Variants in PKD1L1 observed in about 807,000 individuals in gnomAD.
The protein encoded by PKD1L1 is polycystin-1-like protein 1.
PKD1L1 carries 236 observed loss-of-function variants against 323.4 expected under a neutral mutation model. That is an observed-to-expected ratio of 0.73 (90% CI 0.66 to 0.81). The LOEUF (loss-of-function observed/expected upper bound fraction) is 0.81. Ranked by LOEUF, PKD1L1 falls within the 40% of genes least tolerant of loss-of-function variation. PKD1L1 has a pLI of 0.00. For synonymous variants in PKD1L1, 1,344 were observed against 1,335.0 expected (o/e 1.01, Z -0.15); for missense variants, 3,320 against 3,508.0 (o/e 0.95, Z 1.35).
Position 47,929,467 on chromosome 7 carries a change from C to A in PKD1L1, c.797G>T (p.Gly266Val). The change falls in exon 7 of 57, where the codon GGT becomes GTT. Residue 266 changes from glycine to valine, a missense_variant. Gly to Val is a moderately radical substitution (Grantham distance 109, BLOSUM62 -3). Transcript: ENST00000289672. ...AGTAGGGGGATAGAGGATCTCAGAACCAGACTGCGATGCCGTGAAGCTGGG... is the reference window on the plus strand; with the variant it reads ...AGTAGGGGGATAGAGGATCTCAGAAACAGACTGCGATGCCGTGAAGCTGGG... ...RTPSFTASQS[G>V]SEILYPPTQH... 6.2e-7 allele frequency: 1 copy of A among 1,614,106 alleles called. No homozygotes were observed. Among genetic ancestry groups the A allele is most frequent in the Non-Finnish European group, 8.5e-7 (1 of 1,179,982 alleles).
At chr7:47,846,605 A>T (rs1248585401) in intron 32 of PKD1L1, among the ~76,000 whole-genome samples, 1 of 151,990 alleles carries the variant, frequency 6.6e-6, no homozygotes, top group Non-Finnish European at 1.5e-5. Context: ...CTTACTAAAC[A>T]CCTCCTCCAT....
upstream of PKD1L1, among the ~76,000 whole-genome samples, chr7:47,950,891 T>C (rs1276143563): frequency 6.6e-6 from 1 of 152,184 alleles, no homozygotes; most frequent in Non-Finnish European, 1.5e-5. Context: ...TCAGAGCAGC[T>C]GCATCCAGAC....
chr7:47,936,317 C>A (rs966789185), intron 4 of PKD1L1, among the ~76,000 whole-genome samples: 1 of 152,072 alleles, frequency 6.6e-6, no homozygotes, highest in Admixed American at 6.5e-5. Flanking sequence ...ATTACACAAC[C>A]CTCCGTTCCT....
intron 32 of PKD1L1, among the ~76,000 whole-genome samples, chr7:47,846,599 C>T (rs556301278): frequency 6.6e-6 from 1 of 152,358 alleles, no homozygotes; most frequent in East Asian, 1.9e-4. Flanking sequence ...CAGACACTTA[C>T]TAAACACCTC....
chr7:47,792,569 C>T, intron 56 of PKD1L1, 58 bp downstream of exon 56: 2 of 1,513,544 alleles, frequency 1.3e-6, no homozygotes, highest in Non-Finnish European at 1.8e-6. Flanking sequence ...TCCAAAACTC[C>T]TTTAGAACTT....
chr7:47,955,724 A>G, the PKD1L1 span, among the ~76,000 whole-genome samples: 1 of 152,210 alleles, frequency 6.6e-6, no homozygotes, highest in Non-Finnish European at 1.5e-5. Flanking sequence ...AATTCCTATA[A>G]GTATTGAGTC....
chr7:47,866,535 TCA>T lies in PKD1L1; in HGVS notation c.3974_3975del (p.Val1325AspfsTer10). Reference sequence around the variant, plus strand: ...GACAAACGACTCAGGATTCTGGTGATCACAGTGATGTAGTTCCTGATTTCTGT... The same window carrying T: ...GACAAACGACTCAGGATTCTGGTGATCAGTGATGTAGTTCCTGATTTCTGT... ...SYTEIRNYIT[V>X]ITRILSRLSK... On this transcript the variant is annotated frameshift_variant, in exon 25 of 57. Coordinates refer to ENST00000289672, the MANE Select transcript of PKD1L1 (RefSeq NM_138295.5). LOFTEE classifies it high-confidence loss of function. The T allele has an allele frequency of 6.2e-7, 1 of 1,613,984 alleles. No homozygotes were observed. The highest frequency in any genetic ancestry group is 8.5e-7 in the Non-Finnish European group (1 of 1,179,934).
intron 23 of PKD1L1, among the ~76,000 whole-genome samples, chr7:47,874,905 T>C (rs1179449698): frequency 6.6e-6 from 1 of 152,224 alleles, no homozygotes; most frequent in Non-Finnish European, 1.5e-5. Flanking sequence ...TTGGCTGTAC[T>C]GATAGTGACA....
chr7:47,829,411 G>A lies in PKD1L1; in HGVS notation c.6735+14C>T. 5.0e-6 allele frequency: 8 copies of A among 1,585,976 alleles called. No homozygotes were observed. The highest frequency in any genetic ancestry group is 6.8e-6 in the Non-Finnish European group (8 of 1,167,996). ...TTAAATCTCAATTTGCACTGCATAG[G>A]TAATTTTTTTTACTTTTTCAACCTC... On this transcript the variant is annotated intron_variant, in intron 44 of 56. Coordinates refer to ENST00000289672, the MANE Select transcript of PKD1L1 (RefSeq NM_138295.5).
At chr7:47,859,611 G>A (rs993567712) in intron 26 of PKD1L1, among the ~76,000 whole-genome samples, 1 of 149,620 alleles carries the variant, frequency 6.7e-6, no homozygotes. Context: ...CCCAAGTGCT[G>A]GGACTAAAGA....
intron 7 of PKD1L1, among the ~76,000 whole-genome samples, chr7:47,921,147 T>G (rs1365850071): frequency 6.8e-6 from 1 of 146,946 alleles, no homozygotes; most frequent in East Asian, 2.0e-4. Flanking sequence ...TCTATACATC[T>G]GACAAAGGAC....
intron 53 of PKD1L1, among the ~76,000 whole-genome samples, chr7:47,802,670 C>T (rs934132751): frequency 1.8e-4 from 27 of 152,216 alleles, no homozygotes; most frequent in African/African-American, 6.0e-4. Flanking sequence ...GGGACCAGAT[C>T]GGAATCAACA....
chr7:47,857,615 G>A lies in PKD1L1; in HGVS notation c.4580C>T (p.Ala1527Val), dbSNP rs1423843927. ...TCTGTCAGCTTGTACCTGCCCAGGA[G>A]CTTGGCTCCCTGGATATGGGTTCTT... The part of the protein sequence containing the change: ...FKKNPYPGSQ[A>V]PGQIGGVVGL... Residue 1527 changes from alanine to valine, a missense_variant, in exon 28 of 57, where the codon GCT becomes GTT. Ala to Val is a moderately conservative substitution (Grantham distance 64). Coordinates refer to ENST00000289672, the MANE Select transcript of PKD1L1 (RefSeq NM_138295.5). 6.2e-7 allele frequency: 1 copy of A among 1,613,574 alleles called. No individual in the cohort carries two copies. The highest frequency in any genetic ancestry group is 8.5e-7 in the Non-Finnish European group (1 of 1,179,622).
intron 46 of PKD1L1, among the ~76,000 whole-genome samples, chr7:47,820,177 AAAG>A (rs1470120335): frequency 6.6e-6 from 1 of 152,236 alleles, no homozygotes; most frequent in Non-Finnish European, 1.5e-5. Flanking sequence ...CTCTCAAAAA[AAAG>A]AAGACTACAT....
chr7:47,945,648 A>T (rs1788078655), intron 1 of PKD1L1, among the ~76,000 whole-genome samples: 1 of 152,208 alleles, frequency 6.6e-6, no homozygotes, highest in Non-Finnish European at 1.5e-5. Context: ...GACTTAGAGG[A>T]TTTCTGCAAT....
intron 54 of PKD1L1, among the ~76,000 whole-genome samples, chr7:47,796,830 C>CAAAAAAAAAAAA (rs71006525): frequency 7.5e-6 from 1 of 133,624 alleles, no homozygotes; most frequent in African/African-American, 3.0e-5. Flanking sequence ...TCCTAAATTA[C>CAAAAAAAAAAAA]AAAAAAAAAA....
At chr7:47,958,619 A>C in the PKD1L1 span, among the ~76,000 whole-genome samples, 1 of 152,266 alleles carries the variant, frequency 6.6e-6, no homozygotes, top group South Asian at 2.1e-4. Flanking sequence ...AAGCTTCTGC[A>C]CAGCAAAGGA....
chr7:47,925,997 AT>A (rs1787650706), intron 7 of PKD1L1, among the ~76,000 whole-genome samples: 1 of 152,260 alleles, frequency 6.6e-6, no homozygotes, highest in Admixed American at 6.5e-5. Context: ...GCAGTGGTTC[AT>A]GCCTGTAATC....
At chr7:47,871,578 A>T (rs922130888) in intron 24 of PKD1L1, among the ~76,000 whole-genome samples, 3 of 152,200 alleles carry the variant, frequency 2.0e-5, no homozygotes, top group Admixed American at 6.5e-5. Flanking sequence ...CCACCTCTTA[A>T]CTACTGTTGC....
Sources: gnomAD v4.1 joint callset for allele counts (sites outside exome capture counted in the v4.1 genomes callset) on GRCh38, gnomAD v4.1.1 for gene constraint, MANE v1.5 for transcripts, NCBI Gene and HGNC (gene_info 2026-07-23, HGNC 2026-07-21) for gene names.